TBC1D22A: variants seen among roughly 807,000 people sequenced by gnomAD.
TBC1D22A encodes TBC1 domain family member 22A, also known as putative GTPase activator.
In TBC1D22A, 38 loss-of-function variants were observed where a neutral mutation model predicts 60.2. The ratio of observed to expected loss-of-function variants is 0.63; its 90% confidence interval spans 0.49 to 0.83. The LOEUF is 0.83. TBC1D22A is among the 40% of genes least tolerant of loss of function. TBC1D22A has a pLI of 0.00. For synonymous variants in TBC1D22A, 302 were observed against 281.7 expected (o/e 1.07, Z -0.72); for missense variants, 628 against 701.0 (o/e 0.90, Z 1.18).
At chr22:47,046,894 T>C (rs947604226) in intron 11 of TBC1D22A, among the ~76,000 whole-genome samples, 1 of 152,166 alleles carries the variant, frequency 6.6e-6, no homozygotes, top group Non-Finnish European at 1.5e-5. Flanking sequence ...CCTGGGAGCT[T>C]GTTCCCCAGG....
rs113971064 is a variant in TBC1D22A at position 46,806,142 on chromosome 22, C to T, written c.637+8522C>T. On this transcript the variant is annotated intron_variant, in intron 4 of 12. Transcript: ENST00000337137. ...CTGGGATTACAGGTGTGAGCCACCG[C>T]GCCCGGCCTCCAACCCTCTTATCAC... 4.3e-3 allele frequency among the ~76,000 whole-genome samples: 652 copies of T among 152,280 alleles called. 1 individual carries two copies. Among genetic ancestry groups the T allele is most frequent in the African/African-American group, 0.015 (621 of 41,548 alleles).
intron 11 of TBC1D22A, among the ~76,000 whole-genome samples, chr22:47,088,241 A>G (rs1339234250): frequency 6.6e-6 from 1 of 152,182 alleles, no homozygotes; most frequent in Non-Finnish European, 1.5e-5. Context: ...GGAGTCCTTA[A>G]GCCGTTTCCC....
chr22:46,984,265 G>C (rs905228521), intron 9 of TBC1D22A, among the ~76,000 whole-genome samples: 1 of 150,034 alleles, frequency 6.7e-6, no homozygotes, highest in African/African-American at 2.5e-5. Context: ...TACTTGGGAG[G>C]CTGAGGCAGG....
intron 12 of TBC1D22A, among the ~76,000 whole-genome samples, chr22:47,130,317 C>G (rs1362764057): frequency 6.6e-6 from 1 of 152,194 alleles, no homozygotes; most frequent in Non-Finnish European, 1.5e-5. Context: ...GACACCCCCT[C>G]CTGCCGGGCT....
chr22:46,771,472 C>T (rs1489968744), intron 1 of TBC1D22A, among the ~76,000 whole-genome samples: 4 of 152,160 alleles, frequency 2.6e-5, no homozygotes, highest in South Asian at 2.1e-4. Context: ...ACAGTGCACC[C>T]GAGCAGTATA....
At chr22:46,850,124 C>G (rs770321559) in intron 4 of TBC1D22A, among the ~76,000 whole-genome samples, 24 of 152,152 alleles carry the variant, frequency 1.6e-4, no homozygotes, top group Non-Finnish European at 3.2e-4. Context: ...ATGGTGGATG[C>G]AGGCAGGGGC....
chr22:46,779,794 G>T (rs2083860664), intron 1 of TBC1D22A, among the ~76,000 whole-genome samples: 1 of 152,232 alleles, frequency 6.6e-6, no homozygotes, highest in Admixed American at 6.5e-5. Flanking sequence ...CAGGGAGTTT[G>T]TGGTCCAGAA....
intron 11 of TBC1D22A, among the ~76,000 whole-genome samples, chr22:47,046,134 C>CTG (rs1159242184): frequency 6.6e-6 from 1 of 152,132 alleles, no homozygotes; most frequent in Non-Finnish European, 1.5e-5. Flanking sequence ...CTGTGGGTGT[C>CTG]TGTGTGTGTG....
chr22:46,883,939 G>A (rs1247521788), intron 5 of TBC1D22A, among the ~76,000 whole-genome samples: 1 of 152,216 alleles, frequency 6.6e-6, no homozygotes, highest in Non-Finnish European at 1.5e-5. Context: ...TCCCAAGTGA[G>A]CACACGCATC....
intron 11 of TBC1D22A, among the ~76,000 whole-genome samples, chr22:47,073,043 T>C (rs1225676750): frequency 2.0e-5 from 3 of 152,228 alleles, no homozygotes; most frequent in Non-Finnish European, 4.4e-5. Context: ...GGCTGGAATA[T>C]GCAATAGATT....
At chr22:46,936,509 A>G (rs1254952199) in intron 8 of TBC1D22A, among the ~76,000 whole-genome samples, 3 of 152,282 alleles carry the variant, frequency 2.0e-5, no homozygotes, top group Admixed American at 1.3e-4. Flanking sequence ...GCCTGGGGCC[A>G]GGGCCGGCAT....
intron 4 of TBC1D22A, among the ~76,000 whole-genome samples, chr22:46,813,943 C>T (rs2085485794): frequency 6.6e-6 from 1 of 152,184 alleles, no homozygotes; most frequent in African/African-American, 2.4e-5. Flanking sequence ...ATCTCTTTGT[C>T]AGACATAGGA....
At chr22:46,767,249 A>G (rs2083319878) in intron 1 of TBC1D22A, among the ~76,000 whole-genome samples, 1 of 152,160 alleles carries the variant, frequency 6.6e-6, no homozygotes. Context: ...TCCAGATTTT[A>G]ACTTTCTTTT....
At chr22:47,167,326 G>A (rs151175622) in intron 12 of TBC1D22A, among the ~76,000 whole-genome samples, 1,598 of 152,332 alleles carry the variant, frequency 0.01, 9 homozygotes, top group Middle Eastern at 0.02. Flanking sequence ...AAGCATTGCC[G>A]AAGGCACTTT....
chr22:47,112,312 A>T (rs1418817571), intron 12 of TBC1D22A, among the ~76,000 whole-genome samples: 1 of 152,204 alleles, frequency 6.6e-6, no homozygotes, highest in Non-Finnish European at 1.5e-5. Context: ...CACCCAGCAG[A>T]GGGCTCTGGG....
intron 1 of TBC1D22A, among the ~76,000 whole-genome samples, chr22:46,781,853 T>C (rs2083954029): frequency 6.6e-6 from 1 of 152,214 alleles, no homozygotes; most frequent in Non-Finnish European, 1.5e-5. Context: ...TGTGTGTTTG[T>C]AGGATCAGCA....
chr22:46,949,485 G>A (rs1343664016), intron 8 of TBC1D22A, among the ~76,000 whole-genome samples: 1 of 152,204 alleles, frequency 6.6e-6, no homozygotes, highest in East Asian at 1.9e-4. Flanking sequence ...GTGGGGCCTT[G>A]AAGAGGGCAT....
At chr22:46,950,890 C>G (rs1316191205) in intron 8 of TBC1D22A, among the ~76,000 whole-genome samples, 1 of 152,206 alleles carries the variant, frequency 6.6e-6, no homozygotes, top group Non-Finnish European at 1.5e-5. Context: ...AGTTTTAATT[C>G]TGTTCCTTTT....
intron 11 of TBC1D22A, among the ~76,000 whole-genome samples, chr22:47,061,547 C>T (rs969245882): frequency 1.3e-5 from 2 of 152,116 alleles, no homozygotes; most frequent in East Asian, 1.9e-4. Context: ...GATCCCTCAC[C>T]GCAGCTTCCC....
Sources: gnomAD v4.1 joint callset for allele counts (sites outside exome capture counted in the v4.1 genomes callset) on GRCh38, gnomAD v4.1.1 for gene constraint, MANE v1.5 for transcripts, NCBI Gene and HGNC (gene_info 2026-07-23, HGNC 2026-07-21) for gene names.